RNASE9: variants seen among roughly 807,000 people sequenced by gnomAD.
RNASE9 encodes ribonuclease A family member 9 (inactive).
For missense variants in RNASE9, 263 were observed against 247.1 expected (o/e 1.06, Z -0.43); for synonymous variants, 95 against 87.6 (o/e 1.08, Z -0.47).
chr14:20,556,840 A>G (rs751923486), exon 3 of RNASE9: 2 of 1,614,176 alleles, frequency 1.2e-6, no homozygotes, highest in Admixed American at 3.3e-5. Context: ...TATATGATTT[A>G]GTGGCATTCC....
exon 3 of RNASE9, chr14:20,558,444 G>C (rs1594460555): frequency 2.5e-6 from 2 of 796,048 alleles, no homozygotes; most frequent in African/African-American, 1.7e-5. Flanking sequence ...AGAAAAAGTT[G>C]CCTAAAATGG....
At chr14:20,557,431 G>A (rs1227494836) in exon 3 of RNASE9, 1 of 205,366 alleles carries the variant, frequency 4.9e-6, no homozygotes, top group South Asian at 1.3e-4. Flanking sequence ...ACAGCAGTGG[G>A]GAGAAAGGGA....
chr14:20,558,339 G>GA, exon 3 of RNASE9: 1 of 638,812 alleles, frequency 1.6e-6, no homozygotes, highest in South Asian at 1.8e-5. Context: ...AAAGGTTAGA[G>GA]AATGATGGAA....
chr14:20,559,693 T>A (rs991487460), intron 1 of RNASE9, 60 bp from the exon 2 acceptor site: 1 of 152,200 alleles, frequency 6.6e-6, no homozygotes, highest in African/African-American at 2.4e-5. Flanking sequence ...CTTAGCTCAC[T>A]AAAGTTGAAC....
chr14:20,556,259 T>C, exon 3 of RNASE9: 1 of 536,770 alleles, frequency 1.9e-6, no homozygotes, highest in Non-Finnish European at 3.3e-6. Context: ...TTAGGGGACC[T>C]GCATGAGACC....
chr14:20,556,155 G>A lies in RNASE9; in HGVS notation c.*297C>T, dbSNP rs146092013. The A allele has an allele frequency of 5.4e-4, 165 of 303,008 alleles. 3 individuals carry two copies. The East Asian group carries it at 6.4e-3, about 12-fold the overall frequency. 18.8% of individuals were successfully genotyped at this position (303,008 alleles called of 1,614,324 possible). On this transcript the variant is annotated 3_prime_UTR_variant, in exon 3 of 3. Coordinates refer to ENST00000555230, the Ensembl canonical transcript of RNASE9. ...AGAATCACATGGATGTGTCTTTGGA[G>A]CACACTTCAGGCAACCATTTCCTTT...
intron 2 of RNASE9, chr14:20,558,758 T>C (rs1014017444): frequency 1.6e-6 from 1 of 641,840 alleles, no homozygotes; most frequent in Non-Finnish European, 2.9e-6. Flanking sequence ...AGAATACTCT[T>C]TTGTTTTTTA....
exon 3 of RNASE9, chr14:20,558,079 A>G: frequency 4.2e-6 from 1 of 237,822 alleles, no homozygotes; most frequent in Non-Finnish European, 8.4e-6. Context: ...GGCCAGTGCT[A>G]AAACGGAATT....
intron 1 of RNASE9, chr14:20,560,203 TA>T (rs1566554254): frequency 6.6e-6 from 1 of 152,154 alleles, no homozygotes; most frequent in African/African-American, 2.4e-5. Context: ...AATTAATTTT[TA>T]AAAAGATTTG....
chr14:20,560,906 GA>G, exon 1 of RNASE9: 1 of 152,160 alleles, frequency 6.6e-6, no homozygotes, highest in East Asian at 1.9e-4. Context: ...TTGACTCACA[GA>G]AGTTGGAAGT....
intron 2 of RNASE9, chr14:20,558,755 TC>T (rs1883820838): frequency 1.6e-6 from 1 of 642,560 alleles, no homozygotes; most frequent in Non-Finnish European, 2.9e-6. Flanking sequence ...TCCAGAATAC[TC>T]TTTTGTTTTT....
exon 3 of RNASE9, chr14:20,556,607 A>G: frequency 6.2e-7 from 1 of 1,613,828 alleles, no homozygotes; most frequent in Non-Finnish European, 8.5e-7. Flanking sequence ...AGTGATTCGT[A>G]TTTACACGCT....
intron 1 of RNASE9, among the ~76,000 whole-genome samples, chr14:20,560,611 A>G (rs1425171381): frequency 1.3e-5 from 2 of 152,182 alleles, no homozygotes; most frequent in South Asian, 2.1e-4. Flanking sequence ...AGAAATGACA[A>G]TACACATTGC....
chr14:20,560,029 T>C (rs1883892348), intron 1 of RNASE9, among the ~76,000 whole-genome samples: 1 of 152,162 alleles, frequency 6.6e-6, no homozygotes, highest in African/African-American at 2.4e-5. Flanking sequence ...CAGAACTCTA[T>C]ATTTAACCAC....
intron 2 of RNASE9, chr14:20,558,662 A>G (rs1391908717): frequency 2.2e-6 from 3 of 1,367,362 alleles, no homozygotes; most frequent in East Asian, 2.5e-5. Context: ...TGGAGAGAAC[A>G]TGGACAGTAC....
chr14:20,558,134 G>T (rs1292848500), exon 3 of RNASE9: 2 of 296,710 alleles, frequency 6.7e-6, no homozygotes, highest in East Asian at 1.5e-4. Flanking sequence ...GCTCCATGAA[G>T]AACCAATTAT....
At chr14:20,557,880 C>T (rs910918080) in exon 3 of RNASE9, 2 of 152,840 alleles carry the variant, frequency 1.3e-5, no homozygotes, top group African/African-American at 4.8e-5. Flanking sequence ...ATTAACATCT[C>T]TCCGTGAAGG....
chr14:20,557,703 C>T (rs1348679744), exon 3 of RNASE9: 1 of 152,812 alleles, frequency 6.5e-6, no homozygotes, highest in Non-Finnish European at 1.5e-5. Context: ...AAAGTAAAAA[C>T]AATGATACAC....
chr14:20,558,339 G>A (rs1333446016), exon 3 of RNASE9: 2 of 638,694 alleles, frequency 3.1e-6, no homozygotes, highest in Non-Finnish European at 5.7e-6. Context: ...AAAGGTTAGA[G>A]AATGATGGAA....
Sources: allele counts gnomAD v4.1 joint callset (sites outside exome capture counted in the v4.1 genomes callset), GRCh38; gene constraint gnomAD v4.1.1; transcripts MANE v1.5; gene names NCBI Gene and HGNC (gene_info 2026-07-23, HGNC 2026-07-21).